Variants in GRK5 observed in about 807,000 individuals in gnomAD.
GRK5 encodes the protein g protein-coupled receptor kinase GRK5.
GRK5 carries 40 observed loss-of-function variants against 78.4 expected under a neutral mutation model. The observed-to-expected ratio is 0.51, with a 90% CI of 0.40 to 0.66. GRK5 has a LOEUF of 0.66. Ranked by LOEUF, GRK5 falls within the 30% of genes least tolerant of loss-of-function variation. The pLI, the probability that GRK5 is intolerant of heterozygous loss-of-function variation, is 0.00. For synonymous variants in GRK5, 289 were observed against 296.8 expected, an observed-to-expected ratio of 0.97 and a Z score of 0.27; for missense variants, 598 against 759.9, an observed-to-expected ratio of 0.79 and a Z score of 2.50.
At chr10:119,433,726 G>A (rs1016364918) in intron 8 of GRK5, among the ~76,000 whole-genome samples, 1 of 152,196 alleles carries the variant, frequency 6.6e-6, no homozygotes, top group Non-Finnish European at 1.5e-5. Context: ...TCCCTATGTG[G>A]AGAAGGATTA....
At chr10:119,428,723 C>G (rs1038106300) in intron 6 of GRK5, among the ~76,000 whole-genome samples, 2 of 152,212 alleles carry the variant, frequency 1.3e-5, no homozygotes, top group Admixed American at 6.5e-5. Context: ...ACTCTGTGGC[C>G]TGATTGCAAA....
At chr10:119,408,113 A>C (rs1418586375) in intron 4 of GRK5, among the ~76,000 whole-genome samples, 1 of 148,388 alleles carries the variant, frequency 6.7e-6, no homozygotes, top group African/African-American at 2.5e-5. Flanking sequence ...TGGTGAGCCC[A>C]GATTGCATCA....
chr10:119,299,014 C>T (rs1484696736), intron 1 of GRK5, among the ~76,000 whole-genome samples: 3 of 152,218 alleles, frequency 2.0e-5, no homozygotes, highest in Non-Finnish European at 4.4e-5. Context: ...ATCCACTTCC[C>T]ACCACCCTGG....
chr10:119,319,095 G>A (rs1484380829), intron 1 of GRK5, among the ~76,000 whole-genome samples: 1 of 152,104 alleles, frequency 6.6e-6, no homozygotes, highest in Non-Finnish European at 1.5e-5. Context: ...CTCCTGCGGG[G>A]CCCCCACCCT....
intron 1 of GRK5, among the ~76,000 whole-genome samples, chr10:119,302,005 T>A (rs553521812): frequency 3.0e-4 from 45 of 152,330 alleles, no homozygotes; most frequent in African/African-American, 1.1e-3. Flanking sequence ...ACTTGATTTC[T>A]TATGAAAATA....
chr10:119,215,727 C>T (rs935586464), intron 1 of GRK5, among the ~76,000 whole-genome samples: 1 of 152,092 alleles, frequency 6.6e-6, no homozygotes, highest in Non-Finnish European at 1.5e-5. Flanking sequence ...ACTGACTTTC[C>T]TGATTCAAAT....
chr10:119,420,569 T>G (rs1049266943), intron 4 of GRK5, among the ~76,000 whole-genome samples: 16 of 151,080 alleles, frequency 1.1e-4, no homozygotes, highest in African/African-American at 3.6e-4. Context: ...TTTCTTTTTC[T>G]TTCTTTTTTT....
At chr10:119,273,411 G>T (rs1215372732) in intron 1 of GRK5, among the ~76,000 whole-genome samples, 2 of 152,194 alleles carry the variant, frequency 1.3e-5, no homozygotes, top group Non-Finnish European at 2.9e-5. Context: ...GTGAGCTCAG[G>T]AGCTGCAGGC....
At chr10:119,286,733 T>G (rs900501331) in intron 1 of GRK5, among the ~76,000 whole-genome samples, 1 of 152,246 alleles carries the variant, frequency 6.6e-6, no homozygotes, top group Non-Finnish European at 1.5e-5. Flanking sequence ...AGCGGTCACT[T>G]TGGGGCTGGT....
At position 119,267,560 on chromosome 10, in the gene GRK5, C is replaced by T. The variant is rs1564870483; in HGVS notation, c.53-58956C>T. 6.6e-6 allele frequency among the ~76,000 whole-genome samples: 1 copy of T among 152,170 alleles called. No individual in the cohort carries two copies. Among genetic ancestry groups the T allele is most frequent in the African/African-American group, 2.4e-5 (1 of 41,442 alleles). On this transcript the variant is annotated intron_variant, in intron 1 of 15. Transcript: ENST00000392870. The surrounding 1 kb of genome is among the most constrained non-coding windows in gnomAD (Gnocchi z 4.1). The stretch of plus-strand genomic sequence containing the variant: ...GCCCTCTCCACAGGATGGCAAGGGG[C>T]TGGAGGCTCAGCGGACGGGCCCTGT...
intron 1 of GRK5, among the ~76,000 whole-genome samples, chr10:119,272,572 T>C: frequency 5.8e-5 from 2 of 34,320 alleles, no homozygotes; most frequent in South Asian, 1.5e-3. Flanking sequence ...CAAGATTCTA[T>C]CTCAAAAAAA....
At chr10:119,424,158 A>G (rs1486490158) in intron 5 of GRK5, among the ~76,000 whole-genome samples, 8 of 152,152 alleles carry the variant, frequency 5.3e-5, no homozygotes, top group African/African-American at 1.9e-4. Flanking sequence ...CAGGAATCAG[A>G]TCCAACAGTG....
In GRK5 at chr10:119,409,982, C is replaced by G. The variant is rs143036875; in HGVS notation, c.340-13184C>G. ...CTGAGCGGAGCTGGCTGCATGCAAA[C>G]CACTGGCCAGGAAGAATCCCACTCC... On this transcript the variant is annotated intron_variant, in intron 4 of 15. Transcript: ENST00000392870. 2.2e-3 allele frequency among the ~76,000 whole-genome samples: 332 copies of G among 152,338 alleles called. 1 individual carries two copies. Among genetic ancestry groups the G allele is most frequent in the African/African-American group, 7.6e-3 (318 of 41,584 alleles).
At chr10:119,245,129 T>C (rs1271353832) in intron 1 of GRK5, among the ~76,000 whole-genome samples, 1 of 152,004 alleles carries the variant, frequency 6.6e-6, no homozygotes, top group Non-Finnish European at 1.5e-5. Flanking sequence ...TACAAAAAAA[T>C]TAGCTGGGCG....
chr10:119,406,755 G>A (rs868411485), intron 4 of GRK5, among the ~76,000 whole-genome samples: 1 of 152,188 alleles, frequency 6.6e-6, no homozygotes, highest in Non-Finnish European at 1.5e-5. Context: ...AAGAAAACTT[G>A]AGAAAGGGAC....
intron 1 of GRK5, among the ~76,000 whole-genome samples, chr10:119,297,821 A>G (rs4752282): frequency 0.4 from 60,567 of 152,116 alleles, 13,686 homozygotes; most frequent in Non-Finnish European, 0.51. Flanking sequence ...TTGTTTATAA[A>G]TTACCCAGTC....
intron 2 of GRK5, among the ~76,000 whole-genome samples, chr10:119,337,615 C>G (rs571917263): frequency 1.3e-5 from 2 of 152,138 alleles, no homozygotes; most frequent in East Asian, 3.9e-4. Flanking sequence ...AGTTTCCCCC[C>G]CACTTTTTTC....
At chr10:119,221,907 A>G (rs561561500) in intron 1 of GRK5, among the ~76,000 whole-genome samples, 16 of 152,266 alleles carry the variant, frequency 1.1e-4, no homozygotes, top group African/African-American at 3.9e-4. Flanking sequence ...TCAAAGTTTG[A>G]ATTAGGGAAA....
intron 2 of GRK5, among the ~76,000 whole-genome samples, chr10:119,368,193 C>T (rs1431727681): frequency 6.6e-6 from 1 of 152,250 alleles, no homozygotes; most frequent in East Asian, 1.9e-4. Context: ...CATGTGAAGT[C>T]AACCTGAAAT....
Sources: allele counts gnomAD v4.1 joint callset (sites outside exome capture counted in the v4.1 genomes callset), GRCh38; gene constraint gnomAD v4.1.1; non-coding constraint Gnocchi (gnomAD v3.1); transcripts MANE v1.5; gene names NCBI Gene and HGNC (gene_info 2026-07-23, HGNC 2026-07-21).